Variants in ENO3 observed in about 807,000 individuals in gnomAD.
ENO3 encodes enolase 3.
In ENO3, 46 loss-of-function variants were observed where a neutral mutation model predicts 47.7. The observed-to-expected ratio is 0.96, with a 90% CI of 0.76 to 1.23. The LOEUF is 1.23. Ranked by LOEUF, ENO3 falls within the 50% of genes most tolerant of loss-of-function variation. The probability of loss-of-function intolerance (pLI) is 0.00; values close to 1 mark genes in which losing one functional copy is unlikely to be tolerated. For synonymous variants in ENO3, 223 were observed against 225.9 expected, an observed-to-expected ratio of 0.99 and a Z score of 0.11; for missense variants, 575 against 566.2, an observed-to-expected ratio of 1.02 and a Z score of -0.16.
Position 4,953,415 on chromosome 17 carries a change from AT to A in ENO3, c.310+75del. The A allele has an allele frequency of 1.9e-6, 3 of 1,592,572 alleles. No homozygotes were observed. The East Asian group carries it at 6.7e-5, about 36-fold the overall frequency. On this transcript the variant is annotated intron_variant, in intron 5 of 11. Transcript: ENST00000519602. ...GCGAGAGGCCATGGGGTGAGGCCTG[AT>A]GGGTTATTTCTGGGTCCCCCATTTT...
At position 4,953,442 on chromosome 17, in the gene ENO3, G is replaced by A; in HGVS notation, c.310+101G>A. On this transcript the variant is annotated intron_variant, in intron 5 of 11. Transcript: ENST00000519602. Reference sequence around the variant, plus strand: ...GGGTTATTTCTGGGTCCCCCATTTTGGGTCACACCGCAGCTGGATGGATTT... The same window carrying A: ...GGGTTATTTCTGGGTCCCCCATTTTAGGTCACACCGCAGCTGGATGGATTT... 7 of 1,519,106 alleles carry A rather than the reference G, an allele frequency of 4.6e-6. No homozygotes were observed. The South Asian group carries it at 6.8e-5, about 15-fold the overall frequency. 94.1% of individuals were successfully genotyped at this position (1,519,106 alleles called of 1,614,324 possible).
chr17:4,953,818 G>A lies in ENO3; in HGVS notation c.417G>A (p.Gly139=), dbSNP rs142390642. ...ACCGCCACATCGCAGATCTCGCTGG[G>A]AACCCTGACCTCATACTCCCAGTGC... The part of the protein sequence containing the change: ...PLYRHIADLA[G]NPDLILPVPA... Residue 139 remains glycine (G), a synonymous_variant, in exon 6 of 12, where the codon GGG becomes GGA. Transcript: ENST00000519602. 2,521 of 1,614,148 alleles carry A rather than the reference G, an allele frequency of 1.6e-3. 3 individuals carry two copies. The highest frequency in any genetic ancestry group is 1.9e-3 in the South Asian group (177 of 91,082).
chr17:4,952,186 T>C, intron 2 of ENO3: 1 of 526,782 alleles, frequency 1.9e-6, no homozygotes, highest in Non-Finnish European at 3.6e-6. Context: ...TTTTGTTTTG[T>C]TTTGTTTTGA....
intron 2 of ENO3, chr17:4,952,270 G>A (rs553695310): frequency 2.0e-4 from 75 of 369,676 alleles, no homozygotes; most frequent in Admixed American, 8.5e-4. Flanking sequence ...TCTGCCTCCC[G>A]GGTTTAAGTG....
intron 8 of ENO3, 91 bp downstream of exon 8, chr17:4,955,695 G>A (rs556332705): frequency 1.3e-6 from 2 of 1,562,262 alleles, no homozygotes; most frequent in South Asian, 1.1e-5. Context: ...CCATCGACTT[G>A]GATCCTTCCA....
Position 4,955,530 on chromosome 17 carries a change from C to T in ENO3, c.791C>T (p.Pro264Leu). The T allele has an allele frequency of 1.2e-6, 2 of 1,614,226 alleles. No homozygotes were observed. The highest frequency in any genetic ancestry group is 1.7e-6 in the Non-Finnish European group (2 of 1,180,046). ...AAGTACGATCTTGACTTCAAGTCGC[C>T]TGATGATCCCGCACGGCACATCACT... ...NGKYDLDFKS[P>L]DDPARHITGE... The change falls in exon 8 of 12, where the codon CCT becomes CTT. Residue 264 changes from proline to leucine, a missense_variant. By Grantham distance (98) the Pro-to-Leu change is moderately conservative. Transcript: ENST00000519602.
At chr17:4,954,186 T>C (rs1236092083) in intron 6 of ENO3, 2 of 400,594 alleles carry the variant, frequency 5.0e-6, no homozygotes, top group Non-Finnish European at 9.3e-6. Context: ...TTGTATCTTC[T>C]TGAGTCCTTC....
At chr17:4,950,278 A>C (rs189947255), upstream of ENO3, 2 of 152,180 alleles carry the variant, frequency 1.3e-5, no homozygotes, top group Admixed American at 6.5e-5. Context: ...GCAGAGACCT[A>C]CCTCCCCGCA....
chr17:4,953,122 G>T lies in ENO3; in HGVS notation c.240+13G>T, dbSNP rs1555553596. Reference sequence around the variant, plus strand: ...TCTGCTGCAAAAGGCAAGTGGGGAAGCCCGCTCGCTGCAGCCTCCTCCCCA... The same window carrying T: ...TCTGCTGCAAAAGGCAAGTGGGGAATCCCGCTCGCTGCAGCCTCCTCCCCA... On this transcript the variant is annotated intron_variant, in intron 4 of 11. Coordinates refer to ENST00000519602, the MANE Select transcript of ENO3 (RefSeq NM_053013.4). The T allele has an allele frequency of 1.9e-6, 3 of 1,614,180 alleles. No individual in the cohort carries two copies. The highest frequency in any genetic ancestry group is 2.5e-6 in the Non-Finnish European group (3 of 1,180,046).
chr17:4,953,782 G>A lies in ENO3; in HGVS notation c.381G>A (p.Gly127=). ...GTAAGGCGGGAGCAGCTGAGAAGGG[G>A]GTCCCCCTGTACCGCCACATCGCAG... ...AVCKAGAAEK[G]VPLYRHIADL... is the part of the protein sequence containing the mutation. The change falls in exon 6 of 12, where the codon GGG becomes GGA. Residue 127 remains glycine, a synonymous_variant. Transcript: ENST00000519602. 1 of 1,614,162 alleles carries A rather than the reference G, an allele frequency of 6.2e-7. No homozygotes were observed. The highest frequency in any genetic ancestry group is 1.1e-5 in the South Asian group (1 of 91,080).
chr17:4,950,768 G>T (rs1266660576), upstream of ENO3: 3 of 815,630 alleles, frequency 3.7e-6, no homozygotes, highest in Non-Finnish European at 4.4e-6. Context: ...GCCTTGCAGG[G>T]CTCAGGTTAC....
Position 4,956,598 on chromosome 17 carries a change from T to C in ENO3, c.1093T>C (p.Trp365Arg), listed in dbSNP as rs778070292. 1 of 1,614,158 alleles carries C rather than the reference T, an allele frequency of 6.2e-7. No homozygotes were observed. The highest frequency in any genetic ancestry group is 1.7e-5 in the Admixed American group (1 of 60,018). ...GTGCAAACTGGCTCAGTCTAATGGC[T>C]GGGGGGTGATGGTGAGCCACCGCTC... ...QACKLAQSNGWGVMVSHRSGE... is the reference protein window; with the variant it reads ...QACKLAQSNGRGVMVSHRSGE... Residue 365 changes from tryptophan (W) to arginine (R), a missense_variant, in exon 10 of 12, where the codon TGG (tryptophan) becomes CGG (arginine). Transcript: ENST00000519602.
chr17:4,952,713 A>G, intron 2 of ENO3, 82 bp from the exon 3 acceptor site: 2 of 1,343,944 alleles, frequency 1.5e-6, no homozygotes, highest in Non-Finnish European at 2.1e-6. Context: ...CCACCTGCCT[A>G]GGCCTCTCAA....
In ENO3 at chr17:4,956,991, C is replaced by G; in HGVS notation, c.1249C>G (p.Leu417Val). The G allele has an allele frequency of 1.2e-6, 2 of 1,614,198 alleles. No individual in the cohort carries two copies. The highest frequency in any genetic ancestry group is 1.7e-6 in the Non-Finnish European group (2 of 1,180,044). ...CCTGCATTCTAGGATCGAGGAGGCT[C>G]TTGGGGACAAGGCAATCTTTGCTGG... is the stretch of plus-strand genomic sequence containing the variant. Reference protein sequence around the residue: ...YNQLMRIEEALGDKAIFAGRK... With the variant: ...YNQLMRIEEAVGDKAIFAGRK... Residue 417 changes from leucine to valine, a missense_variant, in exon 12 of 12, where the codon CTT (leucine) becomes GTT (valine). Transcript: ENST00000519602.
chr17:4,954,149 C>G, intron 6 of ENO3: 1 of 477,706 alleles, frequency 2.1e-6, no homozygotes, highest in Non-Finnish European at 3.8e-6. Context: ...TTGAGAGTTT[C>G]TTTGAGGCAA....
upstream of ENO3, chr17:4,950,538 G>C: frequency 1.0e-6 from 1 of 985,218 alleles, no homozygotes; most frequent in Non-Finnish European, 1.2e-6. Flanking sequence ...GTCTAAATTC[G>C]TTTCCTGTCC....
At position 4,951,886 on chromosome 17, in the gene ENO3, G is replaced by A. The variant is rs761200932; in HGVS notation, c.57G>A (p.Thr19=). ...TCTTGGACTCCAGGGGCAACCCCAC[G>A]GTGGAGGTGGACCTGCACACGGCCA... ...REILDSRGNP[T]VEVDLHTAKG... is the part of the protein sequence containing the mutation. The change falls in exon 2 of 12, where the codon ACG becomes ACA. Residue 19 remains threonine (T), a synonymous_variant. Transcript: ENST00000519602. The A allele has an allele frequency of 1.9e-6, 3 of 1,614,152 alleles. No individual in the cohort carries two copies. Among genetic ancestry groups the A allele is most frequent in the East Asian group, 2.2e-5 (1 of 44,884 alleles).
chr17:4,949,552 C>A (rs1971481814), upstream of ENO3, among the ~76,000 whole-genome samples: 1 of 151,962 alleles, frequency 6.6e-6, no homozygotes, highest in South Asian at 2.1e-4. Context: ...AGGGGAAAGT[C>A]CCACTTCGGG....
At position 4,955,584 on chromosome 17, in the gene ENO3, G is replaced by A. The variant is rs1597703730; in HGVS notation, c.845G>A (p.Ser282Asn). ...TGEKLGELYKSFIKNYPVVSI... is the reference protein window; with the variant it reads ...TGEKLGELYKNFIKNYPVVSI... ...GAGAAGCTCGGAGAGCTGTATAAGA[G>A]CTTTATCAAGAACTATCCTGGTGAG... Residue 282 changes from serine to asparagine, a missense_variant, in exon 8 of 12, where the codon AGC becomes AAC. By Grantham distance (46) the Ser-to-Asn change is conservative. Transcript: ENST00000519602. 1 of 1,614,256 alleles carries A rather than the reference G, an allele frequency of 6.2e-7. No homozygotes were observed. The highest frequency in any genetic ancestry group is 1.3e-5 in the African/African-American group (1 of 75,068).
Sources: gnomAD v4.1 joint callset for allele counts (sites outside exome capture counted in the v4.1 genomes callset) on GRCh38, gnomAD v4.1.1 for gene constraint, MANE v1.5 for transcripts, NCBI Gene and HGNC (gene_info 2026-07-23, HGNC 2026-07-21) for gene names.